Variants in EPHA6 observed in about 807,000 individuals in gnomAD.
EPHA6 encodes ephrin type-A receptor 6.
Under a neutral mutation model 112.0 loss-of-function variants are expected in EPHA6, and 50 were observed. The ratio of observed to expected loss-of-function variants is 0.45; its 90% CI spans 0.36 to 0.56. The LOEUF is 0.56. Ranked by LOEUF, EPHA6 falls within the 20% of genes least tolerant of loss-of-function variation. The pLI is 0.00. For missense variants in EPHA6, 1,280 were observed against 1,417.4 expected (o/e 0.90, Z 1.56); for synonymous variants, 529 against 490.7 (o/e 1.08, Z -1.03).
chr3:97,307,551 A>C (rs190118530), intron 5 of EPHA6, among the ~76,000 whole-genome samples: 1 of 151,096 alleles, frequency 6.6e-6, no homozygotes, highest in Non-Finnish European at 1.5e-5. Context: ...TGAGATACGT[A>C]TTTTAGTTTT....
rs140303593 is a variant in EPHA6, at chr3:97,577,466, C to T, written c.2387-15146C>T. 4.6e-3 allele frequency among the ~76,000 whole-genome samples: 701 copies of T among 152,104 alleles called. 9 individuals carry two copies. The highest frequency in any genetic ancestry group is 0.015 in the African/African-American group (628 of 41,476). On this transcript the variant is annotated intron_variant, in intron 11 of 17. Coordinates refer to ENST00000389672, the MANE Select transcript of EPHA6 (RefSeq NM_001080448.3). ...CCTTTCTCTTTCTCTTTCTTTTCAT[C>T]ATACATCTAAGCATCAGGCATTGAG...
intron 5 of EPHA6, among the ~76,000 whole-genome samples, chr3:97,394,594 C>A (rs940049126): frequency 1.3e-5 from 2 of 151,678 alleles, no homozygotes; most frequent in African/African-American, 4.8e-5. Flanking sequence ...CCCAAATAAT[C>A]CAGTTGTTAA....
At chr3:97,273,889 G>A (rs1559844136) in intron 5 of EPHA6, among the ~76,000 whole-genome samples, 1 of 152,174 alleles carries the variant, frequency 6.6e-6, no homozygotes, top group Non-Finnish European at 1.5e-5. Flanking sequence ...CCCAGACTAA[G>A]AGGTATTTTA....
intron 10 of EPHA6, among the ~76,000 whole-genome samples, chr3:97,486,385 T>C (rs1360190542): frequency 1.3e-5 from 2 of 152,238 alleles, no homozygotes; most frequent in Non-Finnish European, 2.9e-5. Flanking sequence ...TACTGCTCTG[T>C]TAATTTATTC....
Position 97,539,112 on chromosome 3 carries a change from CTTTCTTTCTTTCTT to C in EPHA6, c.2386+6585_2386+6598del, listed in dbSNP as rs1302105878. ...CCTTCCTTCCTTCCTTCCTTTCTTT[CTTTCTTTCTTTCTT>C]TTTCTTTCTTTCTTTCTTTCTTCTT... On this transcript the variant is annotated intron_variant, in intron 11 of 17. Coordinates refer to ENST00000389672, the MANE Select transcript of EPHA6 (RefSeq NM_001080448.3). Among the ~76,000 whole-genome samples, 4 of 142,394 alleles carry C rather than the reference CTTTCTTTCTTTCTT, an allele frequency of 2.8e-5. No homozygotes were observed. The East Asian group carries it at 6.1e-4, about 22-fold the overall frequency. 93.4% of individuals were successfully genotyped at this position (142,394 alleles called of 152,430 possible). A position where few individuals can be genotyped will look rare whatever the true frequency, so the allele number is the denominator to read the frequency against.
chr3:97,169,928 C>CA (rs1220088837), intron 3 of EPHA6, among the ~76,000 whole-genome samples: 1 of 152,034 alleles, frequency 6.6e-6, no homozygotes, highest in African/African-American at 2.4e-5. Flanking sequence ...CATGCATGGA[C>CA]ACACGGAGGG....
chr3:97,392,931 T>G (rs971799309), intron 5 of EPHA6, among the ~76,000 whole-genome samples: 1 of 151,810 alleles, frequency 6.6e-6, no homozygotes, highest in Admixed American at 6.6e-5. Context: ...ACCTAGGATA[T>G]TTCTACATTT....
intron 2 of EPHA6, among the ~76,000 whole-genome samples, chr3:96,943,209 A>AT (rs1202791080): frequency 6.6e-6 from 1 of 151,794 alleles, no homozygotes; most frequent in Non-Finnish European, 1.5e-5. Flanking sequence ...GTATATATAT[A>AT]TTTTTTTCTT....
intron 2 of EPHA6, among the ~76,000 whole-genome samples, chr3:96,916,168 T>C (rs576748905): frequency 2.6e-5 from 4 of 152,124 alleles, no homozygotes; most frequent in African/African-American, 9.7e-5. Context: ...GTGGAAATAT[T>C]TGAGCTTCTT....
At chr3:97,746,275 A>G (rs773204343) in intron 16 of EPHA6, among the ~76,000 whole-genome samples, 9 of 151,808 alleles carry the variant, frequency 5.9e-5, no homozygotes, top group Non-Finnish European at 1.3e-4. Context: ...AATTTTTTTT[A>G]AAGATTGTTA....
chr3:96,852,132 G>T (rs2035427226), intron 1 of EPHA6, among the ~76,000 whole-genome samples: 1 of 152,068 alleles, frequency 6.6e-6, no homozygotes, highest in Non-Finnish European at 1.5e-5. Context: ...GGAGCAACTG[G>T]AGTTTTAAAT....
At position 97,051,580 on chromosome 3, in the gene EPHA6, G is replaced by T. The variant is rs2045686748; in HGVS notation, c.1114+63587G>T. Among the ~76,000 whole-genome samples the T allele has an allele frequency of 3.3e-5, 5 of 152,130 alleles. No individual in the cohort carries two copies. The South Asian group carries it at 1.0e-3, about 32-fold the overall frequency. On this transcript the variant is annotated intron_variant, in intron 3 of 17. Transcript: ENST00000389672. ...TGACTTGATTCAGTCCACATCCATG[G>T]AACCAAAAACTGTGTGGAAATTAGG...
At chr3:96,879,094 T>A (rs1024882433) in intron 2 of EPHA6, among the ~76,000 whole-genome samples, 1 of 152,092 alleles carries the variant, frequency 6.6e-6, no homozygotes, top group African/African-American at 2.4e-5. Context: ...TTTAAGACTT[T>A]GTAGGATTAT....
intron 1 of EPHA6, among the ~76,000 whole-genome samples, chr3:96,834,487 T>C (rs1289669031): frequency 6.6e-6 from 1 of 152,006 alleles, no homozygotes; most frequent in African/African-American, 2.4e-5. Flanking sequence ...TTAGCAGTAA[T>C]GAAAAGCTCA....
chr3:97,103,008 C>T (rs1236595291), intron 3 of EPHA6, among the ~76,000 whole-genome samples: 3 of 151,886 alleles, frequency 2.0e-5, no homozygotes, highest in Admixed American at 2.0e-4. Flanking sequence ...ATTTATGTTT[C>T]TTATAGATGC....
chr3:97,052,509 G>T (rs1235247062), intron 3 of EPHA6, among the ~76,000 whole-genome samples: 1 of 152,058 alleles, frequency 6.6e-6, no homozygotes, highest in Non-Finnish European at 1.5e-5. Context: ...AACAATGTCT[G>T]CAACATAGTC....
Position 97,759,527 on chromosome 3 carries a change from G to C in EPHA6, c.*10826G>C, listed in dbSNP as rs1393561079. ...ACAGGGGAAAACTGATTATGCAAGA[G>C]AGATGATAATTGTAACAAAGGCCTT... On this transcript the variant is annotated 3_prime_UTR_variant, in exon 18 of 18. Coordinates refer to ENST00000389672, the MANE Select transcript of EPHA6 (RefSeq NM_001080448.3). The C allele has an allele frequency of 4.3e-6, 1 of 230,812 alleles. No homozygotes were observed. The highest frequency in any genetic ancestry group is 8.6e-6 in the Non-Finnish European group (1 of 116,522). 14.3% of individuals were successfully genotyped at this position (230,812 alleles called of 1,614,324 possible). A position where few individuals can be genotyped will look rare whatever the true frequency, so the allele number is the denominator to read the frequency against.
chr3:97,213,242 T>C (rs1434165857), intron 3 of EPHA6, among the ~76,000 whole-genome samples: 1 of 152,204 alleles, frequency 6.6e-6, no homozygotes, highest in African/African-American at 2.4e-5. Context: ...TGTGCCCTTC[T>C]GCAACTACAT....
chr3:96,900,176 A>G (rs1008628925), intron 2 of EPHA6, among the ~76,000 whole-genome samples: 7 of 152,162 alleles, frequency 4.6e-5, no homozygotes, highest in African/African-American at 1.7e-4. Context: ...TAATTTGAAT[A>G]ATTGTTTCTC....
Sources: allele counts gnomAD v4.1 joint callset (sites outside exome capture counted in the v4.1 genomes callset), GRCh38; gene constraint gnomAD v4.1.1; transcripts MANE v1.5; gene names NCBI Gene and HGNC (gene_info 2026-07-23, HGNC 2026-07-21).